Variants in DAB1 observed in about 807,000 individuals in gnomAD.
The protein encoded by DAB1 is disabled homolog 1.
A neutral mutation model predicts 64.6 loss-of-function variants in DAB1; 15 were observed. The observed-to-expected ratio is 0.23, with a 90% confidence interval of 0.16 to 0.36. DAB1 has a LOEUF of 0.36. DAB1 is among the 10% of genes least tolerant of loss of function. DAB1 has a pLI of 1.00. For missense variants in DAB1, 596 were observed against 706.7 expected (o/e 0.84, Z 1.78); for synonymous variants, 235 against 251.9 (o/e 0.93, Z 0.64).
intron 7 of DAB1, among the ~76,000 whole-genome samples, chr1:57,448,021 A>C (rs1189891990): frequency 6.6e-6 from 1 of 152,174 alleles, no homozygotes; most frequent in African/African-American, 2.4e-5. Flanking sequence ...TGTTCCTATA[A>C]CCCGTCCCTA....
chr1:57,378,722 T>C (rs1186171108), intron 1 of DAB1, among the ~76,000 whole-genome samples: 1 of 152,192 alleles, frequency 6.6e-6, no homozygotes, highest in African/African-American at 2.4e-5. Flanking sequence ...TTCTTATTTT[T>C]AGCAATGCAT....
intron 7 of DAB1, among the ~76,000 whole-genome samples, chr1:57,591,121 G>A (rs1364962949): frequency 1.3e-5 from 2 of 152,074 alleles, no homozygotes; most frequent in Non-Finnish European, 1.5e-5. Flanking sequence ...TGAATGCAGC[G>A]ACTCTCAGGG....
intron 14 of DAB1, among the ~76,000 whole-genome samples, chr1:57,007,922 G>A (rs1304103067): frequency 6.6e-6 from 1 of 152,224 alleles, no homozygotes; most frequent in Admixed American, 6.5e-5. Flanking sequence ...AAGATTAAAT[G>A]TGTCTTGTGC....
chr1:58,029,790 T>C (rs1263580954), intron 5 of DAB1, among the ~76,000 whole-genome samples: 1 of 152,248 alleles, frequency 6.6e-6, no homozygotes, highest in African/African-American at 2.4e-5. Context: ...AATATTATGC[T>C]ATAGCCATAC....
At position 57,709,691 on chromosome 1, in the gene DAB1, G is replaced by A. The variant is rs149586200; in HGVS notation, n.552-60026C>T. On this transcript the variant is annotated intron_variant and non_coding_transcript_variant, in intron 6 of 20. Transcript: ENST00000485760. Reference sequence around the variant, plus strand: ...AGATTTTATAGATGAGCTTGAGGAGGTGGTGTCTGACTTACGCACAAGATT... The same window carrying A: ...AGATTTTATAGATGAGCTTGAGGAGATGGTGTCTGACTTACGCACAAGATT... Among the ~76,000 whole-genome samples, 120 of 152,228 alleles carry A rather than the reference G, an allele frequency of 7.9e-4. 1 individual carries two copies. Among genetic ancestry groups the A allele is most frequent in the African/African-American group, 2.8e-3 (116 of 41,518 alleles).
intron 5 of DAB1, among the ~76,000 whole-genome samples, chr1:58,102,979 G>T (rs1557650967): frequency 6.6e-6 from 1 of 152,122 alleles, no homozygotes; most frequent in Non-Finnish European, 1.5e-5. Context: ...TTGAGGGTGG[G>T]TACTTCACTG....
chr1:57,017,312 G>T (rs147671774), intron 11 of DAB1, among the ~76,000 whole-genome samples: 152 of 152,240 alleles, frequency 1.0e-3, no homozygotes, highest in African/African-American at 3.5e-3. Flanking sequence ...AATGTACCGA[G>T]GCAGTGTACC....
chr1:57,986,213 G>A (rs1283978417), intron 5 of DAB1, among the ~76,000 whole-genome samples: 3 of 152,112 alleles, frequency 2.0e-5, no homozygotes, highest in African/African-American at 4.8e-5. Context: ...GAATGTTTGC[G>A]TGCCTGCAAA....
chr1:57,696,970 G>A (rs1646852391), intron 6 of DAB1, among the ~76,000 whole-genome samples: 2 of 152,168 alleles, frequency 1.3e-5, no homozygotes, highest in African/African-American at 4.8e-5. Flanking sequence ...AATGCAGGAA[G>A]TTTCTGCTTA....
At chr1:57,891,615 C>T (rs886247665) in intron 5 of DAB1, among the ~76,000 whole-genome samples, 54 of 151,748 alleles carry the variant, frequency 3.6e-4, no homozygotes, top group African/African-American at 1.3e-3. Flanking sequence ...ACCCAAATGC[C>T]CATCAATAAT....
At chr1:57,823,234 C>T (rs1334459345), downstream of DAB1, among the ~76,000 whole-genome samples, 2 of 151,960 alleles carry the variant, frequency 1.3e-5, no homozygotes, top group South Asian at 4.2e-4. Context: ...CCGCCCACCT[C>T]GAACTCCCAA....
At chr1:57,927,145 T>C (rs920811453) in intron 5 of DAB1, among the ~76,000 whole-genome samples, 1 of 152,214 alleles carries the variant, frequency 6.6e-6, no homozygotes, top group Non-Finnish European at 1.5e-5. Flanking sequence ...ATGAAGCTCA[T>C]AATAAGCATT....
chr1:57,825,342 T>C (rs1652297668), downstream of DAB1, among the ~76,000 whole-genome samples: 1 of 152,184 alleles, frequency 6.6e-6, no homozygotes, highest in South Asian at 2.1e-4. Flanking sequence ...TTCAAAAATA[T>C]GACCCTTCAG....
chr1:58,218,412 G>A lies in DAB1; in HGVS notation n.310-67824C>T, dbSNP rs75660270. Among the ~76,000 whole-genome samples the A allele has an allele frequency of 5.1e-3, 781 of 152,268 alleles. 9 individuals carry two copies. The highest frequency in any genetic ancestry group is 0.018 in the African/African-American group (728 of 41,558). On this transcript the variant is annotated intron_variant and non_coding_transcript_variant, in intron 4 of 20. Coordinates refer to the DAB1 transcript ENST00000485760. ...CTGAGGGTGAGGTTAAGAATTTCCA[G>A]CTTTGGGGAGCAGAAAGTTTCTGGG... is the stretch of plus-strand genomic sequence containing the variant.
intron 6 of DAB1, among the ~76,000 whole-genome samples, chr1:57,739,605 C>T (rs1046170254): frequency 1.3e-5 from 2 of 150,916 alleles, no homozygotes; most frequent in Admixed American, 6.6e-5. Context: ...GCATGTGCCA[C>T]CATGCCCGGC....
intron 5 of DAB1, among the ~76,000 whole-genome samples, chr1:58,111,670 C>T (rs1027042885): frequency 3.9e-5 from 6 of 152,238 alleles, no homozygotes; most frequent in Non-Finnish European, 7.4e-5. Context: ...CATATCACTG[C>T]GCCTGCTGCT....
chr1:58,316,892 C>T (rs534918849), intron 4 of DAB1, among the ~76,000 whole-genome samples: 2 of 152,236 alleles, frequency 1.3e-5, no homozygotes, highest in African/African-American at 4.8e-5. Context: ...TTTTTCTATT[C>T]TGAGTTGTAT....
intron 6 of DAB1, among the ~76,000 whole-genome samples, chr1:57,658,370 T>A (rs1470380552): frequency 1.3e-5 from 2 of 150,476 alleles, no homozygotes; most frequent in Non-Finnish European, 3.0e-5. Context: ...GTGGCGTGAT[T>A]TCTGCTCACT....
chr1:57,267,716 G>A (rs1365110313), intron 2 of DAB1, among the ~76,000 whole-genome samples: 1 of 152,136 alleles, frequency 6.6e-6, no homozygotes, highest in East Asian at 1.9e-4. Context: ...GTAGGACTGA[G>A]GTCCAGAGCA....
Sources: allele counts gnomAD v4.1 joint callset (sites outside exome capture counted in the v4.1 genomes callset), GRCh38; gene constraint gnomAD v4.1.1; transcripts MANE v1.5; gene names NCBI Gene and HGNC (gene_info 2026-07-23, HGNC 2026-07-21).